VPS13C: variants seen among roughly 807,000 people sequenced by gnomAD.
VPS13C encodes intermembrane lipid transfer protein VPS13C.
A neutral mutation model predicts 456.8 loss-of-function variants in VPS13C; 358 were observed. The observed-to-expected ratio is 0.78, with a 90% CI of 0.72 to 0.86. VPS13C has a LOEUF of 0.86. Among genes scored for constraint, VPS13C ranks in the 40% least tolerant of loss-of-function variants. The pLI is 0.00. For missense variants in VPS13C, 4,818 were observed against 4,385.4 expected (o/e 1.10, Z -2.79); for synonymous variants, 1,578 against 1,486.7 (o/e 1.06, Z -1.41).
chr15:61,859,571 TATGCAA>T (rs1314729349), intron 82 of VPS13C, among the ~76,000 whole-genome samples: 2 of 152,174 alleles, frequency 1.3e-5, no homozygotes, highest in African/African-American at 2.4e-5. Context: ...CTAGTTTACC[TATGCAA>T]GAGCTACATA....
In VPS13C at chr15:61,920,565, G is replaced by A. The variant is rs1195614486; in HGVS notation, c.7145C>T (p.Ser2382Phe). 1 of 1,581,416 alleles carries A rather than the reference G, an allele frequency of 6.3e-7. No homozygotes were observed. Among genetic ancestry groups the A allele is most frequent in the Non-Finnish European group, 8.5e-7 (1 of 1,169,606 alleles). The change falls in exon 56 of 85, where the codon TCT becomes TTT. Residue 2382 changes from serine to phenylalanine, a missense_variant. Physicochemically the swap from Ser to Phe is radical, Grantham distance 155 (BLOSUM62 -2). This residue lies in a region of VPS13C where 4,552 missense variants were observed against 4,130.6 expected (regional missense o/e 1.10). Transcript: ENST00000644861. Reference sequence around the variant, plus strand: ...TGTTATATTCATTGTATTTCCTGAAGAAATATGAATTGCCATTTGTGGCTC... The same window carrying A: ...TGTTATATTCATTGTATTTCCTGAAAAAATATGAATTGCCATTTGTGGCTC... Reference protein sequence around the residue: ...IPEPQMAIHISSGNTMNITIS... With the variant: ...IPEPQMAIHIFSGNTMNITIS...
At chr15:61,986,468 T>C (rs2046058139) in intron 18 of VPS13C, among the ~76,000 whole-genome samples, 2 of 151,960 alleles carry the variant, frequency 1.3e-5, no homozygotes, top group Non-Finnish European at 2.9e-5. Flanking sequence ...GATAAAGAAC[T>C]TGGAAATACC....
rs1033403432 is a variant in VPS13C at position 61,854,284 on chromosome 15, A to G, written c.*173T>C. ...CTGCTAGCATATACATGGTTACAAAATTAGAGTAAAAACTAAAAGGTGAAA... is the reference window on the plus strand; with the variant it reads ...CTGCTAGCATATACATGGTTACAAAGTTAGAGTAAAAACTAAAAGGTGAAA... On this transcript the variant is annotated 3_prime_UTR_variant, in exon 85 of 85. Coordinates refer to ENST00000644861, the MANE Select transcript of VPS13C (RefSeq NM_020821.3). 6 of 646,412 alleles carry G rather than the reference A, an allele frequency of 9.3e-6. No individual in the cohort carries two copies. Among genetic ancestry groups the G allele is most frequent in the Non-Finnish European group, 1.4e-5 (5 of 368,800 alleles). The allele number at this position is 646,412 out of a possible 1,614,324, so 40.0% of individuals were successfully genotyped here.
intron 27 of VPS13C, among the ~76,000 whole-genome samples, chr15:61,972,185 T>C (rs550387158): frequency 6.6e-6 from 1 of 152,196 alleles, no homozygotes; most frequent in Non-Finnish European, 1.5e-5. Flanking sequence ...CCATGTTTCC[T>C]TTTACCACAT....
chr15:61,950,430 G>C lies in VPS13C; in HGVS notation c.4537-13C>G, dbSNP rs1379543487. ...CATCACTGTCTGCCTACAAATAGTG[G>C]AGAATTACACCACTGAGTTTCAAAC... is the stretch of plus-strand genomic sequence containing the variant. On this transcript the variant is annotated splice_polypyrimidine_tract_variant and intron_variant, in intron 40 of 84. Transcript: ENST00000644861. 8 of 1,600,750 alleles carry C rather than the reference G, an allele frequency of 5.0e-6. No homozygotes were observed. Among genetic ancestry groups the C allele is most frequent in the Non-Finnish European group, 6.8e-6 (8 of 1,169,136 alleles).
At chr15:62,034,773 C>T (rs1024643109) in intron 4 of VPS13C, among the ~76,000 whole-genome samples, 184 bp downstream of exon 4, 1 of 151,786 alleles carries the variant, frequency 6.6e-6, no homozygotes, top group Non-Finnish European at 1.5e-5. Context: ...ATACTTTATA[C>T]ACAAATGCGG....
At chr15:62,036,070 A>G (rs1190370881) in intron 3 of VPS13C, among the ~76,000 whole-genome samples, 1 of 152,042 alleles carries the variant, frequency 6.6e-6, no homozygotes, top group Admixed American at 6.6e-5. Context: ...CAGCAATTCT[A>G]TCCAAACCTT....
chr15:61,935,109 A>G (rs893964795), intron 48 of VPS13C, among the ~76,000 whole-genome samples: 2 of 152,204 alleles, frequency 1.3e-5, no homozygotes, highest in Non-Finnish European at 2.9e-5. Flanking sequence ...AGAACAGAAT[A>G]TAACTCAATA....
At chr15:62,025,341 T>C (rs954766449) in intron 6 of VPS13C, among the ~76,000 whole-genome samples, 3 of 152,102 alleles carry the variant, frequency 2.0e-5, no homozygotes, top group Non-Finnish European at 2.9e-5. Context: ...TAATAAGTAA[T>C]GTAACACAAT....
At chr15:62,050,290 G>A (rs1236196262) in intron 1 of VPS13C, among the ~76,000 whole-genome samples, 2 of 152,202 alleles carry the variant, frequency 1.3e-5, no homozygotes, top group Non-Finnish European at 2.9e-5. Context: ...AGACTAAGGT[G>A]ACAGATAAGG....
chr15:62,011,035 A>G (rs901573791), intron 12 of VPS13C, among the ~76,000 whole-genome samples: 7 of 152,286 alleles, frequency 4.6e-5, no homozygotes, highest in African/African-American at 1.7e-4. Flanking sequence ...CATGAATAAA[A>G]TTCATTCCAA....
intron 77 of VPS13C, among the ~76,000 whole-genome samples, chr15:61,873,959 T>TACAC (rs67985179): frequency 1.8e-3 from 276 of 149,832 alleles, no homozygotes; most frequent in African/African-American, 4.9e-3. Context: ...GAAAATGTGA[T>TACAC]ACACACACAC....
At chr15:62,022,751 C>T (rs1319422798) in intron 8 of VPS13C, among the ~76,000 whole-genome samples, 1 of 151,868 alleles carries the variant, frequency 6.6e-6, no homozygotes, top group Non-Finnish European at 1.5e-5. Flanking sequence ...ATGAACATTT[C>T]CAGGTTCCTA....
chr15:61,854,734 C>A, intron 84 of VPS13C, 137 bp downstream of exon 84: 1 of 984,480 alleles, frequency 1.0e-6, no homozygotes, highest in Non-Finnish European at 1.5e-6. Context: ...ACTGAGTCCA[C>A]AGCATATTAA....
chr15:62,029,199 A>G (rs1426512840), intron 5 of VPS13C, among the ~76,000 whole-genome samples: 1 of 152,086 alleles, frequency 6.6e-6, no homozygotes, highest in African/African-American at 2.4e-5. Context: ...GATGGCAACA[A>G]AAATAGCACC....
intron 66 of VPS13C, among the ~76,000 whole-genome samples, chr15:61,891,889 G>A (rs1441993879): frequency 1.3e-5 from 2 of 152,174 alleles, no homozygotes; most frequent in Non-Finnish European, 2.9e-5. Context: ...ACTTGAACCT[G>A]AGGCTGACAC....
At chr15:62,033,597 A>C in intron 4 of VPS13C, 55 bp from the exon 5 acceptor site, 2 of 1,299,134 alleles carry the variant, frequency 1.5e-6, no homozygotes, top group Non-Finnish European at 2.1e-6. Context: ...AAATAAACAA[A>C]CGGAAAAAGT....
intron 48 of VPS13C, among the ~76,000 whole-genome samples, chr15:61,934,813 C>T (rs1342002888): frequency 1.3e-5 from 2 of 152,100 alleles, no homozygotes; most frequent in East Asian, 1.9e-4. Flanking sequence ...TGCAGTGGCA[C>T]GATCTCAGCT....
intron 82 of VPS13C, among the ~76,000 whole-genome samples, chr15:61,859,945 G>A (rs991600427): frequency 6.6e-6 from 1 of 151,868 alleles, no homozygotes; most frequent in East Asian, 1.9e-4. Flanking sequence ...AGAAACTTAG[G>A]TCTTGAGAAC....
Sources: gnomAD v4.1 joint callset for allele counts (sites outside exome capture counted in the v4.1 genomes callset) on GRCh38, gnomAD v4.1.1 for gene constraint, gnomAD v4.1.1 regional missense constraint, MANE v1.5 for transcripts, NCBI Gene and HGNC (gene_info 2026-07-23, HGNC 2026-07-21) for gene names.